The following CDH20 variants were observed in gnomAD, a reference collection of about 807,000 sequenced individuals.
CDH20 encodes cadherin 20.
Under a neutral mutation model 74.2 loss-of-function variants are expected in CDH20, and 29 were observed. The observed-to-expected ratio is 0.39, with a 90% confidence interval of 0.29 to 0.53. The LOEUF (loss-of-function observed/expected upper bound fraction) is 0.53, where lower values mean the gene tolerates loss of function less well. Among genes scored for constraint, CDH20 ranks in the 20% least tolerant of loss-of-function variants. The pLI is 0.69. For missense variants in CDH20, 988 were observed against 1,048.3 expected (o/e 0.94, Z 0.79); for synonymous variants, 469 against 405.4 (o/e 1.16, Z -1.88).
rs767325139 is a variant in CDH20, at chr18:61,410,835, C to A, written c.-153+77008C>A. Reference sequence around the variant, plus strand: ...TTTTATAATCTTTGAAAGGAGATGGCCTTTCTCAGCATAGGCATAAGACCT... The same window carrying A: ...TTTTATAATCTTTGAAAGGAGATGGACTTTCTCAGCATAGGCATAAGACCT... On this transcript the variant is annotated intron_variant, in intron 1 of 11. Coordinates refer to ENST00000262717, the MANE Select transcript of CDH20 (RefSeq NM_031891.4). Among the ~76,000 whole-genome samples, 2 of 152,156 alleles carry A rather than the reference C, an allele frequency of 1.3e-5. 1 individual carries two copies. The highest frequency in any genetic ancestry group is 4.1e-4 in the South Asian group (2 of 4,824).
chr18:61,542,067 C>A, intron 9 of CDH20, among the ~76,000 whole-genome samples: 1 of 152,162 alleles, frequency 6.6e-6, no homozygotes, highest in Non-Finnish European at 1.5e-5. Flanking sequence ...AATACGCAGG[C>A]CAGATATTCT....
chr18:61,360,152 T>C (rs1165322497), intron 1 of CDH20, among the ~76,000 whole-genome samples: 1 of 152,156 alleles, frequency 6.6e-6, no homozygotes, highest in Non-Finnish European at 1.5e-5. Flanking sequence ...TGATATTCAA[T>C]GGGTTACTGT....
At chr18:61,490,855 A>C in intron 2 of CDH20, 56 bp downstream of exon 2, 1 of 1,577,980 alleles carries the variant, frequency 6.3e-7, no homozygotes, top group Non-Finnish European at 8.7e-7. Flanking sequence ...TTGAATATGA[A>C]TTGAGTATCA....
intron 1 of CDH20, among the ~76,000 whole-genome samples, chr18:61,364,915 A>G (rs1910810509): frequency 1.3e-5 from 2 of 152,208 alleles, no homozygotes; most frequent in Admixed American, 1.3e-4. Flanking sequence ...AAATAGCTAC[A>G]CTAAAGTTGA....
At chr18:61,404,080 G>A (rs185309115) in intron 1 of CDH20, among the ~76,000 whole-genome samples, 1 of 152,320 alleles carries the variant, frequency 6.6e-6, no homozygotes, top group Admixed American at 6.5e-5. Flanking sequence ...CAGAGTGGTA[G>A]GGGGCAAGGA....
At chr18:61,410,292 G>C (rs1201460860) in intron 1 of CDH20, among the ~76,000 whole-genome samples, 6 of 152,116 alleles carry the variant, frequency 3.9e-5, no homozygotes, top group African/African-American at 1.4e-4. Context: ...ATCAAGAAGA[G>C]CTCATCTATC....
At chr18:61,518,135 T>C (rs915503087) in intron 6 of CDH20, among the ~76,000 whole-genome samples, 2 of 151,978 alleles carry the variant, frequency 1.3e-5, no homozygotes, top group Admixed American at 1.3e-4. Context: ...GGCTTATAGA[T>C]AAAACTCCCA....
At chr18:61,340,881 G>A (rs143414724) in intron 1 of CDH20, among the ~76,000 whole-genome samples, 104 of 152,134 alleles carry the variant, frequency 6.8e-4, no homozygotes, top group Non-Finnish European at 1.2e-3. Context: ...TATTTGAAAG[G>A]GCTACCAAAT....
At chr18:61,540,316 G>T (rs1403200311) in intron 9 of CDH20, among the ~76,000 whole-genome samples, 1 of 152,140 alleles carries the variant, frequency 6.6e-6, no homozygotes, top group Non-Finnish European at 1.5e-5. Context: ...TGGTAATTCT[G>T]GCCCCTGACT....
chr18:61,437,309 G>A (rs1034985701), intron 1 of CDH20, among the ~76,000 whole-genome samples: 10 of 152,136 alleles, frequency 6.6e-5, no homozygotes, highest in African/African-American at 1.7e-4. Flanking sequence ...AGCTCTTTGA[G>A]CCAAGCAAAT....
intron 10 of CDH20, among the ~76,000 whole-genome samples, chr18:61,547,332 A>C (rs1913285115): frequency 6.6e-6 from 1 of 152,144 alleles, no homozygotes; most frequent in Non-Finnish European, 1.5e-5. Flanking sequence ...TGTCTCTAAA[A>C]AAAGCCACCA....
At chr18:61,429,533 A>C (rs1474914926) in intron 1 of CDH20, among the ~76,000 whole-genome samples, 4 of 152,184 alleles carry the variant, frequency 2.6e-5, no homozygotes, top group African/African-American at 9.7e-5. Flanking sequence ...TTCAGCTCCG[A>C]AGAGAAATCG....
intron 5 of CDH20, 127 bp from the exon 6 acceptor site, chr18:61,507,246 A>T (rs189382963): frequency 7.1e-6 from 6 of 850,416 alleles, no homozygotes; most frequent in Middle Eastern, 2.2e-4. Context: ...TATCTGTAAA[A>T]ACTCAAGTTT....
intron 1 of CDH20, among the ~76,000 whole-genome samples, chr18:61,466,179 G>C (rs1243245229): frequency 1.3e-5 from 2 of 151,224 alleles, no homozygotes; most frequent in East Asian, 3.9e-4. Context: ...TGTGTGAATA[G>C]TAACATTACT....
chr18:61,413,950 C>T (rs574359505), intron 1 of CDH20, among the ~76,000 whole-genome samples: 1 of 152,188 alleles, frequency 6.6e-6, no homozygotes, highest in African/African-American at 2.4e-5. Flanking sequence ...TGTCAAGAAA[C>T]CTGTTCATAA....
chr18:61,348,111 G>A (rs894150489), intron 1 of CDH20, among the ~76,000 whole-genome samples: 5 of 151,974 alleles, frequency 3.3e-5, no homozygotes, highest in African/African-American at 1.2e-4. Flanking sequence ...TTTTTTGGGG[G>A]GGTGGTCCAC....
intron 1 of CDH20, among the ~76,000 whole-genome samples, chr18:61,436,367 C>G (rs555958835): frequency 1.3e-5 from 2 of 152,272 alleles, no homozygotes; most frequent in Non-Finnish European, 2.9e-5. Flanking sequence ...TTTTACATTC[C>G]CATCAGCAGT....
chr18:61,520,086 G>A (rs1057478684), intron 6 of CDH20, among the ~76,000 whole-genome samples: 1 of 150,946 alleles, frequency 6.6e-6, no homozygotes, highest in Admixed American at 6.6e-5. Flanking sequence ...GGAGGCCAAG[G>A]TGGGTGGATC....
intron 1 of CDH20, among the ~76,000 whole-genome samples, chr18:61,337,371 ATATTT>A (rs774539586): frequency 2.0e-5 from 3 of 152,218 alleles, no homozygotes; most frequent in Non-Finnish European, 4.4e-5. Context: ...AGTATTAAAT[ATATTT>A]TATTTATATG....
Sources: allele counts gnomAD v4.1 joint callset (sites outside exome capture counted in the v4.1 genomes callset), GRCh38; gene constraint gnomAD v4.1.1; transcripts MANE v1.5; gene names NCBI Gene and HGNC (gene_info 2026-07-23, HGNC 2026-07-21).